Variants in OTOP3 observed in about 807,000 individuals in gnomAD.
The protein encoded by OTOP3 is otopetrin 3, also known as proton channel OTOP3.
A neutral mutation model predicts 50.8 loss-of-function variants in OTOP3; 41 were observed. The ratio of observed to expected loss-of-function variants is 0.81; its 90% CI spans 0.63 to 1.05. OTOP3 has a LOEUF of 1.05. Among genes scored for constraint, OTOP3 ranks in the 50% least tolerant of loss-of-function variants. OTOP3 has a pLI of 0.00. For missense variants in OTOP3, 788 were observed against 760.8 expected, an observed-to-expected ratio of 1.04 and a Z score of -0.42; for synonymous variants, 320 against 324.4, an observed-to-expected ratio of 0.99 and a Z score of 0.14.
chr17:74,947,184 T>A lies in OTOP3; in HGVS notation c.1275T>A (p.His425Gln), dbSNP rs1470056934. ...SIVAIVAKRPHELLNRLILAY... is the reference protein window; with the variant it reads ...SIVAIVAKRPQELLNRLILAY... ...TGGCCATTGTGGCCAAGCGCCCGCA[T>A]GAGCTGCTCAACCGCCTCATCCTGG... is the stretch of plus-strand genomic sequence containing the variant. Residue 425 changes from histidine (H) to glutamine (Q), a missense_variant, in exon 6 of 7, where the codon CAT (histidine) becomes CAA (glutamine). Transcript: ENST00000328801. 6.2e-7 allele frequency: 1 copy of A among 1,614,010 alleles called. No individual in the cohort carries two copies. The highest frequency in any genetic ancestry group is 2.2e-5 in the East Asian group (1 of 44,892).
upstream of OTOP3, chr17:74,935,858 G>A: frequency 1.3e-6 from 2 of 1,534,658 alleles, no homozygotes; most frequent in East Asian, 2.5e-5. Context: ...GGGCGTCGCG[G>A]GCATCGGTCT....
In OTOP3 at chr17:74,946,533, G is replaced by A. The variant is rs1489342142; in HGVS notation, c.752-128G>A. On this transcript the variant is annotated intron_variant, in intron 5 of 6. Coordinates refer to ENST00000328801, the MANE Select transcript of OTOP3 (RefSeq NM_001272005.2). Reference sequence around the variant, plus strand: ...TGCCTGGGCCTCAGTTTCCACATTGGTAAAATGAGCGGCTGGGTCGCTTTC... The same window carrying A: ...TGCCTGGGCCTCAGTTTCCACATTGATAAAATGAGCGGCTGGGTCGCTTTC... 4 of 754,814 alleles carry A rather than the reference G, an allele frequency of 5.3e-6. No homozygotes were observed. The East Asian group carries it at 1.1e-4, about 20-fold the overall frequency. 46.8% of individuals were successfully genotyped at this position (754,814 alleles called of 1,614,324 possible).
rs1316322390 is a variant in OTOP3 at position 74,943,831 on chromosome 17, A to G, written c.751+107A>G. ...CTCTCTAAAACAGGTGAGGCTCAGT[A>G]GGTCTATAGAGTTGGGAGCAAACTC... On this transcript the variant is annotated intron_variant, in intron 5 of 6. Transcript: ENST00000328801. 12 of 967,062 alleles carry G rather than the reference A, an allele frequency of 1.2e-5. No individual in the cohort carries two copies. The African/African-American group carries it at 2.0e-4, about 16-fold the overall frequency. The allele number at this position is 967,062 out of a possible 1,614,324, so 59.9% of individuals were successfully genotyped here.
Position 74,941,656 on chromosome 17 carries a change from A to T in OTOP3, c.283A>T (p.Lys95Ter). 1 of 1,614,086 alleles carries T rather than the reference A, an allele frequency of 6.2e-7. No homozygotes were observed. The highest frequency in any genetic ancestry group is 8.5e-7 in the Non-Finnish European group (1 of 1,180,004). Residue 95 changes from lysine (K) to a stop codon, truncating the protein, a stop_gained, in exon 2 of 7, where the codon AAG becomes TAG. Transcript: ENST00000328801. LOFTEE classifies it high-confidence loss of function. The stretch of plus-strand genomic sequence containing the variant: ...CTTCATCTGCAGCATGATCTTCAAC[A>T]AGGTGGCCGTCACTCTGGGTGACGT... ...GAFICSMIFNKVAVTLGDVWI... is the reference protein window; with the variant it reads ...GAFICSMIFN
At position 74,943,635 on chromosome 17, in the gene OTOP3, A is replaced by G; in HGVS notation, c.662A>G (p.Asn221Ser). ...GGCCTGATGCTGACCCTGGCCACAAACCTGCTGCTGTGGGTTCTGGCCGTT... is the reference window on the plus strand; with the variant it reads ...GGCCTGATGCTGACCCTGGCCACAAGCCTGCTGCTGTGGGTTCTGGCCGTT... Reference protein sequence around the residue: ...RCGLMLTLATNLLLWVLAVTN... With the variant: ...RCGLMLTLATSLLLWVLAVTN... Residue 221 changes from asparagine to serine, a missense_variant, in exon 5 of 7, where the codon AAC (asparagine) becomes AGC (serine). Asn to Ser is a conservative substitution (Grantham distance 46). Transcript: ENST00000328801. 1 of 1,613,672 alleles carries G rather than the reference A, an allele frequency of 6.2e-7. No individual in the cohort carries two copies. Among genetic ancestry groups the G allele is most frequent in the Non-Finnish European group, 8.5e-7 (1 of 1,179,948 alleles).
chr17:74,947,431 G>A lies in OTOP3; in HGVS notation c.1522G>A (p.Ala508Thr), dbSNP rs758060123. 1.2e-6 allele frequency: 2 copies of A among 1,611,520 alleles called. No individual in the cohort carries two copies. Among genetic ancestry groups the A allele is most frequent in the South Asian group, 1.1e-5 (1 of 90,968 alleles). The change falls in exon 6 of 7, where the codon GCA becomes ACA. Residue 508 changes from alanine to threonine, a missense_variant. Ala to Thr is a moderately conservative substitution (Grantham distance 58, BLOSUM62 0). Transcript: ENST00000328801. ...CAGCCACCTCAACTGGAAGCGGAGG[G>A]CACTCAAGGAGATCTCACTCTTCCT... ...SYSHLNWKRR[A>T]LKEISLFLIL...
In OTOP3 at chr17:74,946,761, C is replaced by T. The variant is rs1598607429; in HGVS notation, c.852C>T (p.Leu284=). The change falls in exon 6 of 7, where the codon CTC becomes CTT. Residue 284 remains leucine (L), a synonymous_variant. Transcript: ENST00000328801. ...ACCCCTTCAGCACTGAGTACTGCCT[C>T]ATCTGCTGTGCTGTGCTGTTTGTCA... The part of the protein sequence containing the change: ...MLYPFSTEYC[L]ICCAVLFVMW... 1.2e-6 allele frequency: 2 copies of T among 1,613,170 alleles called. No homozygotes were observed. Among genetic ancestry groups the T allele is most frequent in the East Asian group, 4.5e-5 (2 of 44,884 alleles).
In OTOP3 at chr17:74,947,048, G is replaced by A; in HGVS notation, c.1139G>A (p.Gly380Glu). The change falls in exon 6 of 7, where the codon GGG becomes GAG. Residue 380 changes from glycine (G) to glutamate (E), a missense_variant. Transcript: ENST00000328801. The part of the protein sequence containing the change: ...LACLAGTAIH[G>E]LEERELDTVK... ...TGCCTGGCGGGCACAGCCATACACGGGCTGGAGGAGAGAGAGCTGGACACG... is the reference window on the plus strand; with the variant it reads ...TGCCTGGCGGGCACAGCCATACACGAGCTGGAGGAGAGAGAGCTGGACACG... The A allele has an allele frequency of 6.2e-7, 1 of 1,614,056 alleles. No homozygotes were observed. The highest frequency in any genetic ancestry group is 8.5e-7 in the Non-Finnish European group (1 of 1,180,046).
At chr17:74,935,881 C>G (rs768694843), upstream of OTOP3, 4 of 1,547,500 alleles carry the variant, frequency 2.6e-6, no homozygotes, top group Non-Finnish European at 2.6e-6. Flanking sequence ...CCTGGACGGA[C>G]GATCCGCTCA....
At chr17:74,938,547 G>C (rs574917591) in intron 1 of OTOP3, among the ~76,000 whole-genome samples, 1 of 152,102 alleles carries the variant, frequency 6.6e-6, no homozygotes, top group South Asian at 2.1e-4. Flanking sequence ...AAGACTGGGG[G>C]CGTTCCAGGA....
chr17:74,941,408 C>T lies in OTOP3; in HGVS notation c.35C>T (p.Thr12Ile). ...CCATCTCCAGCCCCTGCTGAGGCTA[C>T]ACCCATGCCTTCTTCAGAAGCACAG... ...PLPASAPAEA[T>I]PMPSSEAQET... Residue 12 changes from threonine (T) to isoleucine (I), a missense_variant, in exon 2 of 7, where the codon ACA becomes ATA. Thr to Ile is a moderately conservative substitution (Grantham distance 89). Coordinates refer to ENST00000328801, the MANE Select transcript of OTOP3 (RefSeq NM_001272005.2). 2.6e-6 allele frequency: 4 copies of T among 1,535,756 alleles called. No homozygotes were observed. The highest frequency in any genetic ancestry group is 3.5e-6 in the Non-Finnish European group (4 of 1,140,806).
chr17:74,943,654 G>A lies in OTOP3; in HGVS notation c.681G>A (p.Leu227=). ...CCACAAACCTGCTGCTGTGGGTTCTGGCCGTTACCAATGACTCCATGCACC... is the reference window on the plus strand; with the variant it reads ...CCACAAACCTGCTGCTGTGGGTTCTAGCCGTTACCAATGACTCCATGCACC... ...TLATNLLLWV[L]AVTNDSMHRE... is the part of the protein sequence containing the mutation. Residue 227 remains leucine (L), a synonymous_variant, in exon 5 of 7, where the codon CTG becomes CTA. Coordinates refer to ENST00000328801, the MANE Select transcript of OTOP3 (RefSeq NM_001272005.2). The A allele has an allele frequency of 6.2e-7, 1 of 1,613,358 alleles. No homozygotes were observed. Among genetic ancestry groups the A allele is most frequent in the Non-Finnish European group, 8.5e-7 (1 of 1,179,972 alleles).
chr17:74,936,959 C>CG (rs1347241904), intron 1 of OTOP3, among the ~76,000 whole-genome samples: 1 of 17,740 alleles, frequency 5.6e-5, no homozygotes, highest in African/African-American at 2.0e-4. Flanking sequence ...CACCCCCCCA[C>CG]CCTTTTTTTT....
In OTOP3 at chr17:74,940,918, G is replaced by C. The variant is rs1873599; in HGVS notation, c.20-475G>C. On this transcript the variant is annotated intron_variant, in intron 1 of 6. Transcript: ENST00000328801. The stretch of plus-strand genomic sequence containing the variant: ...ACAGCCTCAGGATGCTTCTCTACAA[G>C]ACATTTTAGGCAATCATTTCCCAAC... 2.8e-4 allele frequency among the ~76,000 whole-genome samples: 43 copies of C among 152,302 alleles called. 1 individual carries two copies. Among genetic ancestry groups the C allele is most frequent in the Admixed American group, 1.5e-3 (23 of 15,296 alleles).
intron 1 of OTOP3, among the ~76,000 whole-genome samples, chr17:74,936,961 C>CCTTTT (rs1555629576): frequency 3.3e-4 from 33 of 101,318 alleles, no homozygotes; most frequent in Non-Finnish European, 5.3e-4. Context: ...CCCCCCCACC[C>CCTTTT]TTTTTTTTTT....
At chr17:74,940,375 A>G (rs771102517) in intron 1 of OTOP3, among the ~76,000 whole-genome samples, 3 of 152,054 alleles carry the variant, frequency 2.0e-5, no homozygotes, top group Non-Finnish European at 2.9e-5. Flanking sequence ...GTAAAGCTAA[A>G]AAGTCTGCTA....
At chr17:74,937,826 CAG>C (rs1027004843) in intron 1 of OTOP3, among the ~76,000 whole-genome samples, 1 of 152,212 alleles carries the variant, frequency 6.6e-6, no homozygotes, top group Non-Finnish European at 1.5e-5. Flanking sequence ...GCACACCAAA[CAG>C]GGCACACCTC....
At chr17:74,949,218 C>T (rs1417059312) in intron 6 of OTOP3, 28 bp from the exon 7 acceptor site, 2 of 1,608,812 alleles carry the variant, frequency 1.2e-6, no homozygotes, top group African/African-American at 1.3e-5. Flanking sequence ...GAGAGCCCTT[C>T]CCTAACTCAG....
intron 4 of OTOP3, 73 bp downstream of exon 4, chr17:74,943,417 C>G (rs905494850): frequency 9.1e-6 from 14 of 1,536,432 alleles, no homozygotes; most frequent in Non-Finnish European, 1.2e-5. Flanking sequence ...AGGGTGGCCG[C>G]GGGGCTATAG....
Sources: allele counts gnomAD v4.1 joint callset (sites outside exome capture counted in the v4.1 genomes callset), GRCh38; gene constraint gnomAD v4.1.1; transcripts MANE v1.5; gene names NCBI Gene and HGNC (gene_info 2026-07-23, HGNC 2026-07-21).